TMEFF2: variants seen among roughly 807,000 people sequenced by gnomAD.
TMEFF2 encodes the protein transmembrane protein with EGF like and two follistatin like domains 2, also known as tomoregulin-2.
In TMEFF2, 28 loss-of-function variants were observed where a neutral mutation model predicts 53.8. The ratio of observed to expected loss-of-function variants is 0.52; its 90% CI spans 0.39 to 0.71. The LOEUF (loss-of-function observed/expected upper bound fraction) is 0.71. TMEFF2 is among the 30% of genes least tolerant of loss of function. The probability of loss-of-function intolerance (pLI) is 0.00; values close to 1 mark genes in which losing one functional copy is unlikely to be tolerated. For missense variants in TMEFF2, 353 were observed against 455.2 expected (o/e 0.78, Z 2.04); for synonymous variants, 162 against 166.3 (o/e 0.97, Z 0.20).
At chr2:192,083,735 T>A (rs1688606245) in intron 4 of TMEFF2, among the ~76,000 whole-genome samples, 3 of 150,944 alleles carry the variant, frequency 2.0e-5, no homozygotes, top group South Asian at 2.1e-4. Flanking sequence ...GTTCATCGTT[T>A]CTTAAAGGCC....
intron 3 of TMEFF2, among the ~76,000 whole-genome samples, chr2:192,183,381 C>A (rs1032260285): frequency 6.6e-6 from 1 of 152,002 alleles, no homozygotes. Flanking sequence ...TAACATCATA[C>A]ACTAGATTAG....
intron 4 of TMEFF2, among the ~76,000 whole-genome samples, chr2:192,153,009 T>A (rs114601217): frequency 0.019 from 2,833 of 151,852 alleles, 77 homozygotes; most frequent in African/African-American, 0.065. Context: ...TGGTGTATAA[T>A]TTAAACTGAT....
At chr2:192,109,064 T>C (rs1290123497) in intron 4 of TMEFF2, among the ~76,000 whole-genome samples, 3 of 151,992 alleles carry the variant, frequency 2.0e-5, no homozygotes, top group Non-Finnish European at 4.4e-5. Flanking sequence ...TTCTGTTTAG[T>C]GTAGTAAAAA....
At chr2:192,072,022 A>G (rs1688304275) in intron 4 of TMEFF2, among the ~76,000 whole-genome samples, 1 of 151,950 alleles carries the variant, frequency 6.6e-6, no homozygotes, top group African/African-American at 2.4e-5. Context: ...TTTATTGGGT[A>G]GTAATGCTGG....
chr2:192,023,674 CTG>C (rs1001696045), intron 5 of TMEFF2, among the ~76,000 whole-genome samples: 4 of 88,058 alleles, frequency 4.5e-5, no homozygotes, highest in African/African-American at 1.3e-4. Flanking sequence ...TTTCATATCT[CTG>C]TCTGTCTGTT....
At chr2:192,124,054 T>C (rs1227795251) in intron 4 of TMEFF2, among the ~76,000 whole-genome samples, 1 of 152,248 alleles carries the variant, frequency 6.6e-6, no homozygotes, top group Admixed American at 6.5e-5. Flanking sequence ...GTACTCTGCC[T>C]GCCAAGAACT....
intron 4 of TMEFF2, among the ~76,000 whole-genome samples, chr2:192,067,623 T>C (rs1369271145): frequency 1.3e-5 from 2 of 151,882 alleles, no homozygotes; most frequent in Admixed American, 6.6e-5. Flanking sequence ...AATAAAGATG[T>C]ATCTTTATTA....
At chr2:191,968,103 C>A (rs959583569) in intron 7 of TMEFF2, among the ~76,000 whole-genome samples, 2 of 152,146 alleles carry the variant, frequency 1.3e-5, no homozygotes, top group Non-Finnish European at 2.9e-5. Flanking sequence ...TGTTGTATAA[C>A]TAACAGAATT....
chr2:192,059,757 A>G (rs939804279), intron 4 of TMEFF2, among the ~76,000 whole-genome samples: 1 of 152,196 alleles, frequency 6.6e-6, no homozygotes. Context: ...AAGGGCAATT[A>G]TTGGTAAAAT....
At chr2:192,052,916 C>T (rs1687808466) in intron 5 of TMEFF2, among the ~76,000 whole-genome samples, 1 of 152,162 alleles carries the variant, frequency 6.6e-6, no homozygotes, top group African/African-American at 2.4e-5. Context: ...TTTTAACCCT[C>T]TTTTGGAAGC....
intron 7 of TMEFF2, among the ~76,000 whole-genome samples, chr2:191,963,934 T>G (rs1235071147): frequency 6.6e-6 from 1 of 152,166 alleles, no homozygotes; most frequent in Admixed American, 6.5e-5. Flanking sequence ...ATTTATAAAA[T>G]TTCCATTTTT....
rs1473845388 is a variant in TMEFF2 at position 191,949,513 on chromosome 2, G to GTAAT, written c.*794_*797dup. On this transcript the variant is annotated 3_prime_UTR_variant, in exon 10 of 10. Coordinates refer to ENST00000272771, the MANE Select transcript of TMEFF2 (RefSeq NM_016192.4). ...GTGGTGTTATTACATTTTTCCCCTGGTAATTCCACCCACCTAAATGGAATA... is the reference window on the plus strand; with the variant it reads ...GTGGTGTTATTACATTTTTCCCCTGGTAATTAATTCCACCCACCTAAATGGAATA... The GTAAT allele has an allele frequency of 1.0e-6, 1 of 985,244 alleles. No homozygotes were observed. Among genetic ancestry groups the GTAAT allele is most frequent in the African/African-American group, 1.7e-5 (1 of 57,274 alleles). The allele number at this position is 985,244 out of a possible 1,614,324, so 61.0% of individuals were successfully genotyped here.
At chr2:191,999,669 G>T (rs1574279139) in intron 5 of TMEFF2, among the ~76,000 whole-genome samples, 1 of 151,890 alleles carries the variant, frequency 6.6e-6, no homozygotes, top group Admixed American at 6.6e-5. Flanking sequence ...AAATTATTTG[G>T]CATGCAATCA....
In TMEFF2 at chr2:192,194,593, C is replaced by A; in HGVS notation, c.-69G>T. The A allele has an allele frequency of 1.7e-5, 27 of 1,554,832 alleles. No homozygotes were observed. The highest frequency in any genetic ancestry group is 2.0e-5 in the Non-Finnish European group (23 of 1,141,200). On this transcript the variant is annotated 5_prime_UTR_variant, in exon 1 of 10. Transcript: ENST00000272771. The surrounding 1 kb of genome is among the most constrained non-coding windows in gnomAD (Gnocchi z 4.2). ...ACACAGGATCGCGGGGGCCGGGCAG[C>A]GGGCTACTGAGCATCCCGCGGACGG...
chr2:192,129,673 C>T (rs373064937), intron 4 of TMEFF2, among the ~76,000 whole-genome samples: 1 of 152,188 alleles, frequency 6.6e-6, no homozygotes, highest in Non-Finnish European at 1.5e-5. Flanking sequence ...TGCTCCAGGA[C>T]TTCCCAGTTT....
At chr2:192,164,570 A>G (rs1186961781) in intron 4 of TMEFF2, among the ~76,000 whole-genome samples, 2 of 152,142 alleles carry the variant, frequency 1.3e-5, no homozygotes, top group African/African-American at 4.8e-5. Flanking sequence ...TCTACTAAAA[A>G]TACAAAAATT....
intron 4 of TMEFF2, among the ~76,000 whole-genome samples, chr2:192,059,412 G>C (rs936251113): frequency 6.6e-6 from 1 of 152,054 alleles, no homozygotes; most frequent in Non-Finnish European, 1.5e-5. Flanking sequence ...AGGGAAGCTG[G>C]GGCCTCATCT....
At position 192,194,628 on chromosome 2, in the gene TMEFF2, A is replaced by G; in HGVS notation, c.-104T>C. 2 of 1,401,286 alleles carry G rather than the reference A, an allele frequency of 1.4e-6. No homozygotes were observed. Among genetic ancestry groups the G allele is most frequent in the Non-Finnish European group, 1.9e-6 (2 of 1,027,664 alleles). 86.8% of individuals were successfully genotyped at this position (1,401,286 alleles called of 1,614,324 possible). A position where few individuals can be genotyped will look rare whatever the true frequency, so the allele number is the denominator to read the frequency against. Reference sequence around the variant, plus strand: ...AGCATCCCGCGGACGGCGGCAGCAGAGGCGGCGGCGGTGGCAGTGGCACCC... The same window carrying G: ...AGCATCCCGCGGACGGCGGCAGCAGGGGCGGCGGCGGTGGCAGTGGCACCC... On this transcript the variant is annotated 5_prime_UTR_variant, in exon 1 of 10. Transcript: ENST00000272771. This position sits in a 1 kb window ranked among gnomAD's most constrained non-coding sequence, Gnocchi z 4.2.
At chr2:192,006,408 G>A (rs913597835) in intron 5 of TMEFF2, among the ~76,000 whole-genome samples, 7 of 152,140 alleles carry the variant, frequency 4.6e-5, no homozygotes, top group Non-Finnish European at 1.0e-4. Context: ...ATCACATTTT[G>A]AAGAGAGGGA....
Sources: gnomAD v4.1 joint callset for allele counts (sites outside exome capture counted in the v4.1 genomes callset) on GRCh38, gnomAD v4.1.1 for gene constraint, Gnocchi (gnomAD v3.1) non-coding constraint, MANE v1.5 for transcripts, NCBI Gene and HGNC (gene_info 2026-07-23, HGNC 2026-07-21) for gene names.